TMED3: variants seen among roughly 807,000 people sequenced by gnomAD.
The protein encoded by TMED3 is transmembrane p24 trafficking protein 3.
A neutral mutation model predicts 15.0 loss-of-function variants in TMED3; 9 were observed. The observed-to-expected ratio is 0.60, with a 90% CI of 0.36 to 1.04. The LOEUF is 1.04. TMED3 is among the 50% of genes least tolerant of loss of function. TMED3 has a pLI of 0.01. For missense variants in TMED3, 267 were observed against 278.9 expected (o/e 0.96, Z 0.30); for synonymous variants, 117 against 121.4 (o/e 0.96, Z 0.24).
At chr15:79,365,155 T>C (rs1162972912) in intron 2 of TMED3, among the ~76,000 whole-genome samples, 2 of 152,246 alleles carry the variant, frequency 1.3e-5, no homozygotes, top group East Asian at 3.8e-4. Context: ...CAGGGAACTC[T>C]CCTGTTTTGC....
intron 2 of TMED3, among the ~76,000 whole-genome samples, chr15:79,337,982 C>T (rs978116364): frequency 3.3e-5 from 5 of 152,050 alleles, no homozygotes; most frequent in African/African-American, 1.2e-4. Context: ...TAAAATAGCT[C>T]CCAATAAAGC....
Position 79,322,726 on chromosome 15 carries a change from G to A in TMED3, c.*512G>A, listed in dbSNP as rs932552164. The A allele has an allele frequency of 4.1e-5, 40 of 985,764 alleles. No homozygotes were observed. The Admixed American group carries it at 6.1e-4, about 15-fold the overall frequency. The allele number at this position is 985,764 out of a possible 1,614,324, so 61.1% of individuals were successfully genotyped here. On this transcript the variant is annotated 3_prime_UTR_variant, in exon 3 of 3. Transcript: ENST00000299705. ...CTGCTCACCCTCGGTGAGCAACAGTGTCAGCCATGCAAGCAGGACAGAATG... is the reference window on the plus strand; with the variant it reads ...CTGCTCACCCTCGGTGAGCAACAGTATCAGCCATGCAAGCAGGACAGAATG...
At chr15:79,383,270 A>G in intron 2 of TMED3, 1 of 542,546 alleles carries the variant, frequency 1.8e-6, no homozygotes, top group Non-Finnish European at 3.3e-6. Context: ...GTTTTGGAAA[A>G]TGTCTTAAGG....
At chr15:79,313,346 A>G (rs2058725437) in intron 1 of TMED3, among the ~76,000 whole-genome samples, 2 of 152,178 alleles carry the variant, frequency 1.3e-5, no homozygotes, top group African/African-American at 4.8e-5. Flanking sequence ...ATGCTTCAGA[A>G]TAGTGCAATA....
At chr15:79,392,866 TA>T in intron 2 of TMED3, among the ~76,000 whole-genome samples, 1 of 152,340 alleles carries the variant, frequency 6.6e-6, no homozygotes, top group Non-Finnish European at 1.5e-5. Flanking sequence ...GACACAAAGC[TA>T]AAGGCTGTAC....
intron 2 of TMED3, among the ~76,000 whole-genome samples, chr15:79,329,208 GAC>G (rs1440114483): frequency 1.3e-5 from 2 of 152,186 alleles, no homozygotes; most frequent in African/African-American, 4.8e-5. Context: ...TCTCTAAAGA[GAC>G]AACAACCAGG....
chr15:79,390,230 A>G (rs1007062635), intron 2 of TMED3, among the ~76,000 whole-genome samples: 2 of 152,136 alleles, frequency 1.3e-5, no homozygotes, highest in Non-Finnish European at 1.5e-5. Context: ...TGGATTTGTC[A>G]TGGACGGCTT....
intron 2 of TMED3, among the ~76,000 whole-genome samples, chr15:79,350,807 G>A (rs72740329): frequency 0.041 from 6,238 of 152,250 alleles, 157 homozygotes; most frequent in Middle Eastern, 0.11. Context: ...GAGCATGGCT[G>A]GCCAAAAAGC....
intron 1 of TMED3, among the ~76,000 whole-genome samples, chr15:79,313,466 C>T (rs1004763828): frequency 6.6e-6 from 1 of 152,156 alleles, no homozygotes; most frequent in Non-Finnish European, 1.5e-5. Context: ...TCAGTTTCTT[C>T]TTCTGTAAAA....
In TMED3 at chr15:79,357,688, C is replaced by T. The variant is rs145823427; in HGVS notation, c.417+43683C>T. On this transcript the variant is annotated intron_variant, in intron 2 of 2. Transcript: ENST00000424155. ...ACTGTAGAGGGAGCTGGCGGCCCTCCGCTCTGTGTATTGAGTCCACTCTGA... is the reference window on the plus strand; with the variant it reads ...ACTGTAGAGGGAGCTGGCGGCCCTCTGCTCTGTGTATTGAGTCCACTCTGA... 6.1e-3 allele frequency among the ~76,000 whole-genome samples: 925 copies of T among 151,902 alleles called. 7 individuals are homozygous for T. Among genetic ancestry groups the T allele is most frequent in the Non-Finnish European group, 9.9e-3 (675 of 67,960 alleles).
intron 2 of TMED3, among the ~76,000 whole-genome samples, chr15:79,314,998 G>A (rs981242303): frequency 1.3e-5 from 2 of 152,190 alleles, no homozygotes; most frequent in Non-Finnish European, 2.9e-5. Flanking sequence ...AGGGCCCAGG[G>A]AAACCTGTAA....
At chr15:79,388,751 A>G (rs749972700) in intron 2 of TMED3, among the ~76,000 whole-genome samples, 2 of 152,128 alleles carry the variant, frequency 1.3e-5, no homozygotes, top group South Asian at 4.1e-4. Context: ...CCCCACCAAC[A>G]TATACTGTTT....
At chr15:79,354,953 C>G (rs528968315) in intron 2 of TMED3, among the ~76,000 whole-genome samples, 118 of 152,248 alleles carry the variant, frequency 7.8e-4, no homozygotes, top group African/African-American at 2.7e-3. Context: ...TGAGTTATTT[C>G]TCTTATTTAA....
In TMED3 at chr15:79,322,383, G is replaced by C. The variant is rs1205266947; in HGVS notation, c.*169G>C. The C allele has an allele frequency of 1.4e-6, 2 of 1,441,250 alleles. No individual in the cohort carries two copies. Among genetic ancestry groups the C allele is most frequent in the African/African-American group, 2.9e-5 (2 of 70,064 alleles). The allele number at this position is 1,441,250 out of a possible 1,614,324, so 89.3% of individuals were successfully genotyped here. ...TGATTCTTGCACCTCAGCAGCTGAA[G>C]GTCTCAGAGACCAGTAATCAGAAGG... is the stretch of plus-strand genomic sequence containing the variant. On this transcript the variant is annotated 3_prime_UTR_variant, in exon 3 of 3. Transcript: ENST00000299705.
At chr15:79,370,011 A>G (rs952234566) in intron 2 of TMED3, among the ~76,000 whole-genome samples, 2 of 152,242 alleles carry the variant, frequency 1.3e-5, no homozygotes, top group South Asian at 4.1e-4. Context: ...TTAATTCTCA[A>G]GGAGAGTTCT....
At chr15:79,366,525 C>T (rs1384062439) in intron 2 of TMED3, among the ~76,000 whole-genome samples, 2 of 152,198 alleles carry the variant, frequency 1.3e-5, no homozygotes, top group Admixed American at 6.5e-5. Flanking sequence ...TCTTGCTAAT[C>T]AAATTGCTCC....
chr15:79,383,463 G>T (rs1893572233), intron 2 of TMED3: 1 of 168,220 alleles, frequency 5.9e-6, no homozygotes, highest in Admixed American at 5.8e-5. Flanking sequence ...TAGAGCAGAA[G>T]AATACATTTG....
In TMED3 at chr15:79,352,429, G is replaced by A. The variant is rs116441242; in HGVS notation, c.417+38424G>A. On this transcript the variant is annotated intron_variant, in intron 2 of 2. Coordinates refer to the TMED3 transcript ENST00000424155. ...CAAACTGCCCAGCACCAGAATGTCA[G>A]GCGTCATGTGCTCAATCCCAAACAA... is the stretch of plus-strand genomic sequence containing the variant. Among the ~76,000 whole-genome samples, 275 of 152,074 alleles carry A rather than the reference G, an allele frequency of 1.8e-3. 4 individuals carry two copies. Among genetic ancestry groups the A allele is most frequent in the African/African-American group, 6.4e-3 (265 of 41,464 alleles).
chr15:79,314,683 G>C (rs2058733133), intron 2 of TMED3: 2 of 384,368 alleles, frequency 5.2e-6, no homozygotes, highest in Non-Finnish European at 1.1e-5. Flanking sequence ...TGGCAAAGCT[G>C]GATGAAAGGA....
Sources: gnomAD v4.1 joint callset for allele counts (sites outside exome capture counted in the v4.1 genomes callset) on GRCh38, gnomAD v4.1.1 for gene constraint, MANE v1.5 for transcripts, NCBI Gene and HGNC (gene_info 2026-07-23, HGNC 2026-07-21) for gene names.